The following EFHC2 variants were observed in gnomAD, a reference collection of about 807,000 sequenced individuals.
EFHC2 encodes the protein EF-hand domain-containing family member C2.
Under a neutral mutation model 52.7 loss-of-function variants are expected in EFHC2, and 18 were observed. The ratio of observed to expected loss-of-function variants is 0.34; its 90% CI spans 0.24 to 0.51. The LOEUF is 0.51. Among genes scored for constraint, EFHC2 ranks in the 20% least tolerant of loss-of-function variants. EFHC2 has a pLI of 0.97. For missense variants in EFHC2, 513 were observed against 562.5 expected (o/e 0.91, Z 0.89); for synonymous variants, 203 against 204.1 (o/e 0.99, Z 0.04).
In EFHC2 at chrX:44,206,327, T is replaced by C. The variant is rs184513002; in HGVS notation, c.1751+23322A>G. Among the ~76,000 whole-genome samples the C allele has an allele frequency of 3.6e-4, 40 of 111,395 alleles. No individual in the cohort carries two copies. In the South Asian group the frequency reaches 0.013, roughly 37 times the overall value. ...GACAAGTATGTCCGCTCTCTCCACTTCTATTCAATATAGTATTGGAAGTCC... is the reference window on the plus strand; with the variant it reads ...GACAAGTATGTCCGCTCTCTCCACTCCTATTCAATATAGTATTGGAAGTCC... On this transcript the variant is annotated intron_variant, in intron 11 of 14. Coordinates refer to ENST00000420999, the MANE Select transcript of EFHC2 (RefSeq NM_025184.4).
At chrX:44,204,095 G>A (rs1407637712) in intron 11 of EFHC2, among the ~76,000 whole-genome samples, 2 of 110,962 alleles carry the variant, frequency 1.8e-5, no homozygotes, top group Non-Finnish European at 3.8e-5. Flanking sequence ...TGCAACCAAG[G>A]AAACTGTACA....
chrX:44,239,004 T>TATTC (rs1384277243), intron 8 of EFHC2, among the ~76,000 whole-genome samples: 1 of 111,628 alleles, frequency 9.0e-6, no homozygotes, highest in Non-Finnish European at 1.9e-5. Context: ...AAGAACTAGT[T>TATTC]ATTCACTAAG....
chrX:44,155,392 C>T (rs1408168621), intron 14 of EFHC2, among the ~76,000 whole-genome samples: 1 of 112,281 alleles, frequency 8.9e-6, no homozygotes, highest in Non-Finnish European at 1.9e-5. Context: ...CCAGTGAGAA[C>T]AGCAAAGCTG....
chrX:44,168,440 G>A (rs1427199874), intron 13 of EFHC2, among the ~76,000 whole-genome samples: 2 of 110,616 alleles, frequency 1.8e-5, no homozygotes, highest in African/African-American at 6.6e-5. Context: ...GCTGAGGCAG[G>A]AGAATGGCGT....
intron 11 of EFHC2, among the ~76,000 whole-genome samples, chrX:44,182,150 T>C (rs1445211278): frequency 8.9e-6 from 1 of 111,939 alleles, no homozygotes; most frequent in Non-Finnish European, 1.9e-5. Context: ...AGCTTCTGGA[T>C]ATTTTATATA....
chrX:44,310,395 C>G (rs1385985758), intron 2 of EFHC2: 2 of 1,000,907 alleles, frequency 2.0e-6, no homozygotes, highest in African/African-American at 3.8e-5. Context: ...ACCTTGTCGA[C>G]CAGGCTGAGC....
chrX:44,325,377 A>G (rs1433793024), intron 1 of EFHC2, among the ~76,000 whole-genome samples: 1 of 110,878 alleles, frequency 9.0e-6, no homozygotes, highest in African/African-American at 3.3e-5. Context: ...AGTTAGGAAC[A>G]TAACTATTCC....
intron 11 of EFHC2, among the ~76,000 whole-genome samples, chrX:44,219,556 T>C (rs2037178676): frequency 9.0e-6 from 1 of 111,282 alleles, no homozygotes; most frequent in African/African-American, 3.3e-5. Context: ...GGCACAGTGG[T>C]GGATATATGG....
intron 14 of EFHC2, among the ~76,000 whole-genome samples, chrX:44,160,244 C>A (rs2036641190): frequency 9.0e-6 from 1 of 111,250 alleles, no homozygotes; most frequent in East Asian, 2.8e-4. Context: ...GACTTCTCTT[C>A]TAGTGTGGAT....
At chrX:44,179,067 A>G (rs2036813350) in intron 11 of EFHC2, among the ~76,000 whole-genome samples, 1 of 109,397 alleles carries the variant, frequency 9.1e-6, no homozygotes, top group Non-Finnish European at 1.9e-5. Context: ...TGGCAGTGAG[A>G]AAAAAAAACA....
intron 1 of EFHC2, among the ~76,000 whole-genome samples, chrX:44,341,643 T>G (rs182408733): frequency 7.8e-4 from 87 of 111,602 alleles, no homozygotes; most frequent in Non-Finnish European, 1.3e-3. Flanking sequence ...AGAGATGAGG[T>G]CTTACTATAT....
chrX:44,149,913 G>C (rs2036556605), intron 14 of EFHC2, among the ~76,000 whole-genome samples: 2 of 112,182 alleles, frequency 1.8e-5, no homozygotes, highest in Non-Finnish European at 3.8e-5. Flanking sequence ...CTCACAGTAT[G>C]ATCTTGCAGA....
intron 11 of EFHC2, among the ~76,000 whole-genome samples, chrX:44,183,626 C>T (rs1237983200): frequency 3.6e-5 from 4 of 111,864 alleles, no homozygotes; most frequent in Non-Finnish European, 7.5e-5. Flanking sequence ...ATGCCATGTA[C>T]AAAGCTCTTC....
chrX:44,251,626 A>T (rs868867276), intron 4 of EFHC2, among the ~76,000 whole-genome samples: 42 of 82,804 alleles, frequency 5.1e-4, no homozygotes, highest in Middle Eastern at 6.0e-3. Context: ...AAAAAAAAAA[A>T]AAAAAAAAAA....
At chrX:44,232,154 T>C (rs1035650932) in intron 10 of EFHC2, among the ~76,000 whole-genome samples, 1 of 112,509 alleles carries the variant, frequency 8.9e-6, no homozygotes, top group Non-Finnish European at 1.9e-5. Context: ...TCCTTTCCTA[T>C]AGTTGTTGAA....
chrX:44,170,889 T>A (rs1303619640), intron 13 of EFHC2, among the ~76,000 whole-genome samples: 1 of 112,530 alleles, frequency 8.9e-6, no homozygotes, highest in Admixed American at 9.3e-5. Flanking sequence ...GGAATCAGTG[T>A]GCAGCCTTCC....
intron 2 of EFHC2, chrX:44,310,404 G>T: frequency 1.0e-6 from 1 of 1,002,920 alleles, no homozygotes. Context: ...ACCAGGCTGA[G>T]CCCCTTCAGC....
At chrX:44,328,007 C>A (rs2038062617) in intron 1 of EFHC2, among the ~76,000 whole-genome samples, 1 of 111,717 alleles carries the variant, frequency 9.0e-6, no homozygotes, top group Non-Finnish European at 1.9e-5. Context: ...GAATCTTTCT[C>A]ATAAGGCTAT....
chrX:44,287,026 T>TA (rs57970615), intron 2 of EFHC2, among the ~76,000 whole-genome samples: 1,025 of 14,987 alleles, frequency 0.068, 90 homozygotes, highest in African/African-American at 0.14. Context: ...CTCCCATCTC[T>TA]AAAAAAAAAA....
Sources: allele counts gnomAD v4.1 joint callset (sites outside exome capture counted in the v4.1 genomes callset), GRCh38; gene constraint gnomAD v4.1.1; transcripts MANE v1.5; gene names NCBI Gene and HGNC (gene_info 2026-07-23, HGNC 2026-07-21).